The following COL6A6 variants were observed in gnomAD, a reference collection of about 807,000 sequenced individuals.
COL6A6 encodes the protein collagen type VI alpha 6 chain, also known as collagen alpha-6(VI) chain.
In COL6A6, 183 loss-of-function variants were observed where a neutral mutation model predicts 208.6. That is an observed-to-expected ratio of 0.88 (90% CI 0.78 to 0.99). COL6A6 has a LOEUF of 0.99. COL6A6 is among the 50% of genes least tolerant of loss of function. The pLI is 0.00. For missense variants in COL6A6, 2,816 were observed against 2,815.2 expected (o/e 1.00, Z -0.01); for synonymous variants, 973 against 1,011.8 (o/e 0.96, Z 0.73).
chr3:130,549,145 C>T (rs1015280104), intron 1 of COL6A6, among the ~76,000 whole-genome samples: 17 of 152,080 alleles, frequency 1.1e-4, no homozygotes, highest in Non-Finnish European at 2.4e-4. Context: ...TTCATGTTTT[C>T]GCTCTTTATA....
chr3:130,543,644 C>T (rs577964004), intron 1 of COL6A6, among the ~76,000 whole-genome samples: 14 of 152,258 alleles, frequency 9.2e-5, no homozygotes, highest in South Asian at 4.1e-4. Context: ...TTAATTTCTC[C>T]CTTCCATCTA....
intron 1 of COL6A6, among the ~76,000 whole-genome samples, chr3:130,555,919 G>GT (rs575613927): frequency 6.6e-5 from 10 of 151,576 alleles, no homozygotes; most frequent in East Asian, 1.9e-4. Context: ...TACAAATGCA[G>GT]TTTTTTTTTA....
intron 31 of COL6A6, among the ~76,000 whole-genome samples, chr3:130,643,765 G>A (rs2065385693): frequency 6.6e-6 from 1 of 152,200 alleles, no homozygotes; most frequent in Non-Finnish European, 1.5e-5. Context: ...GAAAAGAGGA[G>A]CCAAAAGTTT....
At chr3:130,522,746 A>G (rs763591529) in intron 1 of COL6A6, among the ~76,000 whole-genome samples, 1 of 152,148 alleles carries the variant, frequency 6.6e-6, no homozygotes, top group African/African-American at 2.4e-5. Context: ...AGTAGCCTTG[A>G]GGATCTGTCC....
At chr3:130,606,405 T>G (rs1280147858) in intron 20 of COL6A6, among the ~76,000 whole-genome samples, 2 of 152,348 alleles carry the variant, frequency 1.3e-5, no homozygotes, top group East Asian at 3.9e-4. Flanking sequence ...TTTTCTCAGG[T>G]AAGCATATTA....
intron 22 of COL6A6, among the ~76,000 whole-genome samples, 182 bp downstream of exon 22, chr3:130,609,146 T>C (rs1452478546): frequency 6.6e-6 from 1 of 152,154 alleles, no homozygotes; most frequent in Admixed American, 6.5e-5. Flanking sequence ...TGCTTTAAGT[T>C]TTGTCCCAGT....
chr3:130,623,729 G>A (rs2108282013), intron 24 of COL6A6, among the ~76,000 whole-genome samples: 1 of 152,232 alleles, frequency 6.6e-6, no homozygotes, highest in East Asian at 1.9e-4. Flanking sequence ...ATCACTTGGG[G>A]GATAGAGGAA....
At chr3:130,594,918 AC>A (rs1464749622) in intron 18 of COL6A6, among the ~76,000 whole-genome samples, 1 of 152,176 alleles carries the variant, frequency 6.6e-6, no homozygotes, top group Non-Finnish European at 1.5e-5. Context: ...ACTCACTACC[AC>A]AAGAACAGTA....
At chr3:130,625,010 G>T (rs898229389) in intron 24 of COL6A6, among the ~76,000 whole-genome samples, 1 of 152,194 alleles carries the variant, frequency 6.6e-6, no homozygotes, top group Non-Finnish European at 1.5e-5. Flanking sequence ...CCATAAGGCA[G>T]ATGTTCTTAA....
upstream of COL6A6, among the ~76,000 whole-genome samples, chr3:130,517,100 C>T (rs1710774008): frequency 6.6e-6 from 1 of 152,136 alleles, no homozygotes; most frequent in African/African-American, 2.4e-5. Flanking sequence ...GCGCTGGGCC[C>T]GGGGCCGCCG....
intron 23 of COL6A6, among the ~76,000 whole-genome samples, chr3:130,611,438 C>T (rs72996226): frequency 0.011 from 1,689 of 152,200 alleles, 31 homozygotes; most frequent in African/African-American, 0.038. Flanking sequence ...TATCATAGTA[C>T]GTATTATTTG....
intron 1 of COL6A6, among the ~76,000 whole-genome samples, chr3:130,541,298 G>A (rs779985071): frequency 1.3e-5 from 2 of 152,208 alleles, no homozygotes; most frequent in Non-Finnish European, 2.9e-5. Context: ...AAACACTTGA[G>A]TTTCCTCCAT....
intron 20 of COL6A6, among the ~76,000 whole-genome samples, chr3:130,605,215 T>C (rs2064147447): frequency 6.6e-6 from 1 of 152,244 alleles, no homozygotes; most frequent in Non-Finnish European, 1.5e-5. Context: ...AGGAAGATTT[T>C]CCTGATTTGA....
At chr3:130,598,477 T>A in intron 19 of COL6A6, 47 bp downstream of exon 19, 2 of 1,269,134 alleles carry the variant, frequency 1.6e-6, no homozygotes, top group Middle Eastern at 1.8e-4. Flanking sequence ...CTGTGGGGCT[T>A]AAGTTCTTGT....
intron 28 of COL6A6, among the ~76,000 whole-genome samples, chr3:130,637,608 A>G (rs2065195493): frequency 6.6e-6 from 1 of 152,198 alleles, no homozygotes; most frequent in South Asian, 2.1e-4. Context: ...TTTTCCCTCT[A>G]AAAGAGCTGA....
At chr3:130,536,672 T>C (rs946393272) in intron 1 of COL6A6, among the ~76,000 whole-genome samples, 2 of 152,146 alleles carry the variant, frequency 1.3e-5, no homozygotes, top group African/African-American at 4.8e-5. Context: ...CATGTCCTGT[T>C]CAAGGAAAAG....
At chr3:130,627,293 T>C (rs920629153) in intron 25 of COL6A6, 26 bp from the exon 26 acceptor site, 3 of 1,607,222 alleles carry the variant, frequency 1.9e-6, no homozygotes, top group Non-Finnish European at 2.6e-6. Context: ...GTCTGGGATG[T>C]TGGTAATCAA....
chr3:130,592,330 A>G (rs28430927), intron 13 of COL6A6, among the ~76,000 whole-genome samples: 2 of 152,226 alleles, frequency 1.3e-5, no homozygotes, highest in South Asian at 4.1e-4. Flanking sequence ...AGTCTCACAC[A>G]GGCAGTATGC....
rs762024063 is a variant in COL6A6 at position 130,662,108 on chromosome 3, TAAAG to T, written c.6305_6308del (p.Lys2102ArgfsTer54). 2.6e-5 allele frequency: 42 copies of T among 1,613,896 alleles called. No homozygotes were observed. In the African/African-American group the frequency reaches 4.5e-4, roughly 17 times the overall value. On this transcript the variant is annotated frameshift_variant, in exon 35 of 37. Transcript: ENST00000358511. LOFTEE classifies it high-confidence loss of function. Reference sequence around the variant, plus strand: ...ACCAGCCACTTAGATGGGGAAATCTTAAAGAAGGAATCCTTGCGAGCCAAATGTC... The same window carrying T: ...ACCAGCCACTTAGATGGGGAAATCTTAAGGAATCCTTGCGAGCCAAATGTC...
Sources: allele counts gnomAD v4.1 joint callset (sites outside exome capture counted in the v4.1 genomes callset), GRCh38; gene constraint gnomAD v4.1.1; transcripts MANE v1.5; gene names NCBI Gene and HGNC (gene_info 2026-07-23, HGNC 2026-07-21).